Variants in SOX5 observed in about 807,000 individuals in gnomAD.
The protein encoded by SOX5 is transcription factor SOX-5.
In SOX5, 9 loss-of-function variants were observed where a neutral mutation model predicts 92.0. The ratio of observed to expected loss-of-function variants is 0.10; its 90% confidence interval spans 0.06 to 0.17. SOX5 has a LOEUF of 0.17. SOX5 is among the 10% of genes least tolerant of loss of function. SOX5 has a pLI of 1.00. For synonymous variants in SOX5, 344 were observed against 336.3 expected, an observed-to-expected ratio of 1.02 and a Z score of -0.25; for missense variants, 642 against 944.5, an observed-to-expected ratio of 0.68 and a Z score of 4.20.
intron 4 of SOX5, among the ~76,000 whole-genome samples, chr12:23,743,843 T>C (rs1211252309): frequency 6.6e-6 from 1 of 152,184 alleles, no homozygotes; most frequent in Non-Finnish European, 1.5e-5. Flanking sequence ...AGTGGACCTG[T>C]GGCATTCTAG....
chr12:23,698,138 A>T (rs1231188896), intron 6 of SOX5, among the ~76,000 whole-genome samples: 3 of 152,156 alleles, frequency 2.0e-5, no homozygotes, highest in Non-Finnish European at 4.4e-5. Context: ...GAAGAACCTT[A>T]CAACAATTTA....
intron 2 of SOX5, among the ~76,000 whole-genome samples, chr12:24,330,622 A>G (rs1000945553): frequency 2.6e-5 from 4 of 152,240 alleles, no homozygotes; most frequent in Non-Finnish European, 5.9e-5. Context: ...CCCCACTTAA[A>G]CGAAAGTTTC....
intron 6 of SOX5, among the ~76,000 whole-genome samples, chr12:23,699,167 G>A (rs80277414): frequency 0.021 from 3,217 of 152,218 alleles, 130 homozygotes; most frequent in African/African-American, 0.074. Flanking sequence ...TTCCAGTGCT[G>A]CAAATATATT....
At chr12:24,513,085 C>A (rs1044551915) in intron 1 of SOX5, among the ~76,000 whole-genome samples, 6 of 152,192 alleles carry the variant, frequency 3.9e-5, no homozygotes, top group African/African-American at 1.4e-4. Flanking sequence ...TAGCAGTGAG[C>A]CGCAGCTCCC....
intron 4 of SOX5, chr12:24,212,276 C>G (rs149052096): frequency 1.7e-4 from 79 of 463,908 alleles, no homozygotes; most frequent in African/African-American, 1.5e-3. Context: ...CATGCTAAAA[C>G]ATAACAAAAT....
chr12:23,914,547 A>C (rs2097391703), intron 1 of SOX5, among the ~76,000 whole-genome samples: 1 of 152,162 alleles, frequency 6.6e-6, no homozygotes, highest in Non-Finnish European at 1.5e-5. Flanking sequence ...AGTGAATTAG[A>C]GGGAAGAGGC....
chr12:24,410,762 C>G (rs1398752119), intron 1 of SOX5, among the ~76,000 whole-genome samples: 2 of 152,286 alleles, frequency 1.3e-5, no homozygotes, highest in Admixed American at 1.3e-4. Context: ...CTTTATTCTT[C>G]TATTTCAAAG....
At chr12:24,279,309 A>G (rs1944884734) in intron 2 of SOX5, among the ~76,000 whole-genome samples, 1 of 152,138 alleles carries the variant, frequency 6.6e-6, no homozygotes, top group South Asian at 2.1e-4. Flanking sequence ...AAGCAGCCTG[A>G]GAGAAAATTC....
At chr12:24,201,037 C>T (rs551261858) in intron 4 of SOX5, among the ~76,000 whole-genome samples, 1 of 152,248 alleles carries the variant, frequency 6.6e-6, no homozygotes, top group Admixed American at 6.5e-5. Flanking sequence ...ACTATACACC[C>T]AACAATTCAT....
At chr12:24,540,274 G>A (rs1001741052) in intron 1 of SOX5, among the ~76,000 whole-genome samples, 4 of 150,948 alleles carry the variant, frequency 2.6e-5, no homozygotes, top group Non-Finnish European at 5.9e-5. Context: ...AGACATATTC[G>A]CATTTTTCTT....
intron 1 of SOX5, among the ~76,000 whole-genome samples, chr12:24,380,183 T>C (rs1006096542): frequency 2.0e-5 from 3 of 152,196 alleles, no homozygotes; most frequent in Non-Finnish European, 4.4e-5. Flanking sequence ...CAGACTCAAC[T>C]GGGCTAACAT....
intron 1 of SOX5, among the ~76,000 whole-genome samples, chr12:24,485,501 A>C (rs1172159330): frequency 6.6e-6 from 1 of 152,178 alleles, no homozygotes; most frequent in Non-Finnish European, 1.5e-5. Context: ...TCCAATTCGC[A>C]GTTTCTCTGC....
At chr12:23,837,130 C>G (rs2096428945) in intron 3 of SOX5, among the ~76,000 whole-genome samples, 1 of 145,900 alleles carries the variant, frequency 6.9e-6, no homozygotes, top group South Asian at 2.1e-4. Context: ...TTAATGAAGT[C>G]ATTGAAGCCA....
chr12:24,527,206 A>T (rs1002092937), intron 1 of SOX5, among the ~76,000 whole-genome samples: 6 of 152,146 alleles, frequency 3.9e-5, no homozygotes, highest in Non-Finnish European at 8.8e-5. Flanking sequence ...TACCTAACCC[A>T]TGGTAAGTTC....
intron 2 of SOX5, among the ~76,000 whole-genome samples, chr12:24,352,913 G>A (rs965825): frequency 0.033 from 5,071 of 152,208 alleles, 297 homozygotes; most frequent in African/African-American, 0.11. Context: ...AAAGTTGGCA[G>A]GTACAAGGTC....
intron 2 of SOX5, among the ~76,000 whole-genome samples, chr12:23,860,126 C>T (rs999778358): frequency 1.3e-5 from 2 of 151,920 alleles, no homozygotes; most frequent in African/African-American, 4.8e-5. Context: ...AAAGAAACAA[C>T]AGACACTGAG....
chr12:24,198,662 A>G (rs189674709), intron 4 of SOX5, among the ~76,000 whole-genome samples: 310 of 152,310 alleles, frequency 2.0e-3, no homozygotes, highest in African/African-American at 7.1e-3. Flanking sequence ...AAGAAAACAA[A>G]ACAAAACTCC....
chr12:24,418,434 C>T (rs1294125888), intron 1 of SOX5, among the ~76,000 whole-genome samples: 3 of 152,182 alleles, frequency 2.0e-5, no homozygotes, highest in Non-Finnish European at 1.5e-5. Context: ...GCATACGACA[C>T]TATGTGGGCC....
chr12:24,119,823 T>C (rs1175241821), intron 4 of SOX5, among the ~76,000 whole-genome samples: 1 of 152,102 alleles, frequency 6.6e-6, no homozygotes. Context: ...CAAAAGCCTC[T>C]CTTCTTTTAT....
Sources: gnomAD v4.1 joint callset for allele counts (sites outside exome capture counted in the v4.1 genomes callset) on GRCh38, gnomAD v4.1.1 for gene constraint, MANE v1.5 for transcripts, NCBI Gene and HGNC (gene_info 2026-07-23, HGNC 2026-07-21) for gene names.